NTM: variants seen among roughly 807,000 people sequenced by gnomAD.
NTM encodes neurotrimin.
NTM carries 13 observed loss-of-function variants against 42.1 expected under a neutral mutation model. The observed-to-expected ratio is 0.31, with a 90% CI of 0.20 to 0.49. The LOEUF (loss-of-function observed/expected upper bound fraction) is 0.49. NTM is among the 20% of genes least tolerant of loss of function. NTM has a pLI of 0.99. For synonymous variants in NTM, 187 were observed against 179.2 expected (o/e 1.04, Z -0.35); for missense variants, 373 against 452.8 (o/e 0.82, Z 1.60).
At chr11:131,902,136 C>G (rs1452356878) in intron 1 of NTM, among the ~76,000 whole-genome samples, 1 of 152,180 alleles carries the variant, frequency 6.6e-6, no homozygotes, top group Non-Finnish European at 1.5e-5. Flanking sequence ...TACAGAAATG[C>G]ATTTTATTAT....
chr11:131,959,308 G>A (rs1217511642), intron 2 of NTM, among the ~76,000 whole-genome samples: 1 of 152,144 alleles, frequency 6.6e-6, no homozygotes, highest in Non-Finnish European at 1.5e-5. Flanking sequence ...CTGTCTTAAA[G>A]TTCTTCGCTG....
At chr11:132,104,935 A>ATG (rs202203556) in intron 2 of NTM, among the ~76,000 whole-genome samples, 1,271 of 19,478 alleles carry the variant, frequency 0.065, 134 homozygotes, top group Non-Finnish European at 0.075. Context: ...ATATATACAT[A>ATG]TGTATATATA....
intron 1 of NTM, among the ~76,000 whole-genome samples, chr11:131,697,890 G>A (rs569173733): frequency 8.5e-5 from 13 of 152,260 alleles, no homozygotes; most frequent in Admixed American, 3.3e-4. Context: ...GGAGGAAAAC[G>A]TGGGAACTAG....
At chr11:132,291,061 G>A (rs1325283351) in intron 4 of NTM, among the ~76,000 whole-genome samples, 1 of 152,204 alleles carries the variant, frequency 6.6e-6, no homozygotes, top group Non-Finnish European at 1.5e-5. Context: ...TGTTTGGGAT[G>A]ATGGTATCGT....
chr11:132,039,820 G>A (rs887338219), intron 2 of NTM, among the ~76,000 whole-genome samples: 9 of 144,816 alleles, frequency 6.2e-5, no homozygotes, highest in Admixed American at 7.0e-5. Flanking sequence ...TCTCTGCGGC[G>A]CAGTTTCCGC....
chr11:131,376,323 T>C (rs1941969022), intron 1 of NTM, among the ~76,000 whole-genome samples: 1 of 152,262 alleles, frequency 6.6e-6, no homozygotes, highest in South Asian at 2.1e-4. Context: ...TCTCAGCTTC[T>C]ATAAGCTGTC....
At chr11:131,670,281 A>G (rs764824456) in intron 1 of NTM, among the ~76,000 whole-genome samples, 1 of 152,086 alleles carries the variant, frequency 6.6e-6, no homozygotes, top group Non-Finnish European at 1.5e-5. Context: ...AAAATGAACC[A>G]AAGAAGGAAA....
intron 2 of NTM, among the ~76,000 whole-genome samples, chr11:132,097,515 C>T (rs1039548815): frequency 6.6e-6 from 1 of 152,336 alleles, no homozygotes; most frequent in African/African-American, 2.4e-5. Context: ...ACTTCCATCT[C>T]TTCTAGTATT....
At chr11:131,522,579 T>C (rs1380602482) in intron 1 of NTM, among the ~76,000 whole-genome samples, 1 of 152,142 alleles carries the variant, frequency 6.6e-6, no homozygotes, top group Non-Finnish European at 1.5e-5. Context: ...CTATTTGAGC[T>C]AAAGTAAAAC....
chr11:131,508,962 C>G (rs546249873), intron 1 of NTM, among the ~76,000 whole-genome samples: 5 of 149,898 alleles, frequency 3.3e-5, no homozygotes, highest in Middle Eastern at 3.5e-3. Flanking sequence ...GTGCAGCGCA[C>G]CAACATGGCA....
chr11:132,235,160 G>T (rs1049497337), intron 4 of NTM, among the ~76,000 whole-genome samples: 2 of 152,180 alleles, frequency 1.3e-5, no homozygotes, highest in Admixed American at 6.5e-5. Flanking sequence ...ACCCACATGG[G>T]TTTTCTAATG....
chr11:131,620,606 C>G (rs532486666), intron 1 of NTM, among the ~76,000 whole-genome samples: 1 of 152,300 alleles, frequency 6.6e-6, no homozygotes, highest in East Asian at 1.9e-4. Context: ...TGCCTCAGGG[C>G]CTTGGCACCT....
At chr11:131,916,671 T>C (rs2056438440) in intron 2 of NTM, among the ~76,000 whole-genome samples, 1 of 152,114 alleles carries the variant, frequency 6.6e-6, no homozygotes, top group African/African-American at 2.4e-5. Flanking sequence ...GCAGATGGAT[T>C]CTCTGGTAGT....
chr11:131,979,600 G>A (rs1055686683), intron 2 of NTM, among the ~76,000 whole-genome samples: 8 of 152,134 alleles, frequency 5.3e-5, no homozygotes, highest in African/African-American at 1.9e-4. Flanking sequence ...TCTCTTAGTG[G>A]CCATTAATTC....
chr11:131,920,405 T>C (rs1309265843), intron 2 of NTM, among the ~76,000 whole-genome samples: 1 of 152,206 alleles, frequency 6.6e-6, no homozygotes, highest in Non-Finnish European at 1.5e-5. Flanking sequence ...GGAATTTTAC[T>C]TTTGGTCAGG....
intron 2 of NTM, among the ~76,000 whole-genome samples, chr11:131,916,189 G>A (rs545627741): frequency 6.6e-6 from 1 of 152,206 alleles, no homozygotes; most frequent in Non-Finnish European, 1.5e-5. Context: ...CCTAGCTCCT[G>A]GGTGGAAGTG....
chr11:131,796,092 T>G, intron 1 of NTM: 1 of 985,418 alleles, frequency 1.0e-6, no homozygotes, highest in Non-Finnish European at 1.2e-6. Flanking sequence ...ACTAGTTATT[T>G]TCCCGGGGGA....
intron 1 of NTM, among the ~76,000 whole-genome samples, chr11:131,905,074 A>G (rs564328514): frequency 6.6e-6 from 1 of 152,318 alleles, no homozygotes; most frequent in African/African-American, 2.4e-5. Context: ...AGCTCCTTCC[A>G]GTCCCAGCAT....
At chr11:131,785,545 A>T (rs2089001630) in intron 1 of NTM, among the ~76,000 whole-genome samples, 1 of 152,238 alleles carries the variant, frequency 6.6e-6, no homozygotes, top group Non-Finnish European at 1.5e-5. Context: ...TTCTGAAAGA[A>T]AATATGTTCC....
Sources: allele counts gnomAD v4.1 joint callset (sites outside exome capture counted in the v4.1 genomes callset), GRCh38; gene constraint gnomAD v4.1.1; transcripts MANE v1.5; gene names NCBI Gene and HGNC (gene_info 2026-07-23, HGNC 2026-07-21).